The following COL25A1 variants were observed in gnomAD, a reference collection of about 807,000 sequenced individuals.
The protein encoded by COL25A1 is collagen type XXV alpha 1 chain, also known as collagen alpha-1(XXV) chain.
Under a neutral mutation model 128.4 loss-of-function variants are expected in COL25A1, and 103 were observed. The ratio of observed to expected loss-of-function variants is 0.80; its 90% CI spans 0.68 to 0.94. The LOEUF (loss-of-function observed/expected upper bound fraction) is 0.94. Among genes scored for constraint, COL25A1 ranks in the 40% least tolerant of loss-of-function variants. COL25A1 has a pLI of 0.00. For missense variants in COL25A1, 745 were observed against 840.0 expected (o/e 0.89, Z 1.40); for synonymous variants, 279 against 277.2 (o/e 1.01, Z -0.06).
chr4:109,180,030 T>C (rs1774478631), intron 3 of COL25A1, among the ~76,000 whole-genome samples: 1 of 152,178 alleles, frequency 6.6e-6, no homozygotes, highest in Non-Finnish European at 1.5e-5. Flanking sequence ...CTAGTATACA[T>C]CAATGTTGTT....
intron 13 of COL25A1, among the ~76,000 whole-genome samples, chr4:108,902,818 T>C (rs975420888): frequency 2.0e-5 from 3 of 151,980 alleles, no homozygotes; most frequent in Non-Finnish European, 4.4e-5. Context: ...TATGGGAAGA[T>C]TTTGATATGC....
chr4:108,823,131 T>A (rs559880792), intron 35 of COL25A1, among the ~76,000 whole-genome samples: 2 of 152,362 alleles, frequency 1.3e-5, no homozygotes, highest in South Asian at 4.1e-4. Flanking sequence ...TCAACAGCTA[T>A]GAATGTCACT....
At chr4:109,003,119 A>T (rs111963076) in intron 6 of COL25A1, among the ~76,000 whole-genome samples, 2 of 152,204 alleles carry the variant, frequency 1.3e-5, no homozygotes, top group African/African-American at 4.8e-5. Context: ...GACAAATGGG[A>T]CCTAATTAAA....
chr4:109,089,350 T>C (rs28590147), intron 3 of COL25A1, among the ~76,000 whole-genome samples: 18,777 of 152,126 alleles, frequency 0.12, 1,702 homozygotes, highest in East Asian at 0.29. Context: ...GCCCACCTCA[T>C]AGGACATGAA....
At chr4:108,868,423 C>A (rs769247555) in intron 20 of COL25A1, among the ~76,000 whole-genome samples, 1 of 150,948 alleles carries the variant, frequency 6.6e-6, no homozygotes, top group Non-Finnish European at 1.5e-5. Context: ...AGTTGTCCCA[C>A]ATTTCTTTCA....
intron 3 of COL25A1, among the ~76,000 whole-genome samples, chr4:109,180,822 T>C (rs1774557379): frequency 6.6e-6 from 1 of 152,200 alleles, no homozygotes. Flanking sequence ...ACTCACATTT[T>C]CAATGAAAAG....
chr4:109,249,442 G>A (rs1462114779), intron 3 of COL25A1, among the ~76,000 whole-genome samples: 1 of 151,438 alleles, frequency 6.6e-6, no homozygotes, highest in African/African-American at 2.4e-5. Context: ...CTTGGGGTGG[G>A]TGGGGAGGGA....
chr4:108,897,969 C>T (rs1454985979), intron 15 of COL25A1, among the ~76,000 whole-genome samples: 1 of 106,606 alleles, frequency 9.4e-6, no homozygotes, highest in Admixed American at 1.1e-4. Flanking sequence ...CTTTTCCCTC[C>T]TAATTTCTAC....
At chr4:108,888,846 C>A (rs1168811911) in intron 18 of COL25A1, among the ~76,000 whole-genome samples, 1 of 152,006 alleles carries the variant, frequency 6.6e-6, no homozygotes, top group African/African-American at 2.4e-5. Flanking sequence ...AACAGCAAAG[C>A]AACACAGCCA....
At chr4:109,266,360 T>C (rs974201836) in intron 3 of COL25A1, among the ~76,000 whole-genome samples, 4 of 152,184 alleles carry the variant, frequency 2.6e-5, no homozygotes, top group Non-Finnish European at 4.4e-5. Flanking sequence ...CTGGAAACGA[T>C]GAGGTGAAGA....
chr4:109,245,711 C>T (rs189710245), intron 3 of COL25A1, among the ~76,000 whole-genome samples: 6 of 152,122 alleles, frequency 3.9e-5, no homozygotes, highest in Admixed American at 1.3e-4. Context: ...TACAGCACAA[C>T]GTAAGGATTA....
chr4:109,227,062 C>A (rs1778853905), intron 3 of COL25A1, among the ~76,000 whole-genome samples: 1 of 152,182 alleles, frequency 6.6e-6, no homozygotes, highest in East Asian at 1.9e-4. Context: ...AGATTGATCA[C>A]AAACTGTGAC....
intron 32 of COL25A1, 31 bp from the exon 33 acceptor site, chr4:108,827,219 ACACACC>A (rs1272754836): frequency 1.3e-6 from 2 of 1,581,244 alleles, no homozygotes; most frequent in Admixed American, 3.3e-5. Flanking sequence ...TTCAAATCAT[ACACACC>A]CACCTACATT....
At chr4:108,859,858 G>T in intron 23 of COL25A1, 125 bp from the exon 24 acceptor site, 1 of 631,054 alleles carries the variant, frequency 1.6e-6, no homozygotes, top group South Asian at 2.2e-5. Context: ...AGGCCCAACT[G>T]TACTTTAGAA....
intron 3 of COL25A1, among the ~76,000 whole-genome samples, chr4:109,232,080 C>T (rs945225214): frequency 6.6e-6 from 1 of 152,170 alleles, no homozygotes; most frequent in African/African-American, 2.4e-5. Context: ...TCGTTGATTT[C>T]AGAAGTCACC....
chr4:108,921,615 G>C (rs1578773825), intron 11 of COL25A1, among the ~76,000 whole-genome samples: 2 of 152,240 alleles, frequency 1.3e-5, no homozygotes, highest in Admixed American at 1.3e-4. Context: ...AAACACTAGA[G>C]TGGTTGTCAG....
intron 3 of COL25A1, among the ~76,000 whole-genome samples, chr4:109,143,965 A>C (rs762018420): frequency 2.4e-4 from 36 of 152,212 alleles, no homozygotes; most frequent in South Asian, 4.1e-4. Context: ...TCCTTTAAAG[A>C]AGAGGCATTC....
chr4:109,146,774 T>C (rs1483425048), intron 3 of COL25A1, among the ~76,000 whole-genome samples: 3 of 152,326 alleles, frequency 2.0e-5, no homozygotes, highest in East Asian at 1.9e-4. Flanking sequence ...TTGCAGAATA[T>C]GAAGTTTCCT....
intron 6 of COL25A1, among the ~76,000 whole-genome samples, chr4:108,993,870 A>AC (rs1754478316): frequency 6.6e-6 from 1 of 151,746 alleles, no homozygotes; most frequent in African/African-American, 2.4e-5. Context: ...CAAAAAAAAA[A>AC]AAACAAGAAA....
Sources: gnomAD v4.1 joint callset for allele counts (sites outside exome capture counted in the v4.1 genomes callset) on GRCh38, gnomAD v4.1.1 for gene constraint, MANE v1.5 for transcripts, NCBI Gene and HGNC (gene_info 2026-07-23, HGNC 2026-07-21) for gene names.